The following IRX3 variants were observed in gnomAD, a reference collection of about 807,000 sequenced individuals.
IRX3 encodes iroquois-class homeodomain protein IRX-3.
A neutral mutation model predicts 36.4 loss-of-function variants in IRX3; 20 were observed. That is an observed-to-expected ratio of 0.55 (90% confidence interval 0.39 to 0.80). The LOEUF is 0.80. Among genes scored for constraint, IRX3 ranks in the 30% least tolerant of loss-of-function variants. The pLI is 0.00. For synonymous variants in IRX3, 404 were observed against 351.6 expected, an observed-to-expected ratio of 1.15 and a Z score of -1.67; for missense variants, 718 against 733.2, an observed-to-expected ratio of 0.98 and a Z score of 0.24.
At position 54,283,747 on chromosome 16, in the gene IRX3, G is replaced by A; in HGVS notation, c.1452-7C>T. On this transcript the variant is annotated splice_polypyrimidine_tract_variant and splice_region_variant and intron_variant, in intron 3 of 3. Coordinates refer to ENST00000329734, the MANE Select transcript of IRX3 (RefSeq NM_024336.3). The surrounding 1 kb of genome is among the most constrained non-coding windows in gnomAD (Gnocchi z 4.4). ...GTCCAGATGGTTCTGGGGCCTGGAA[G>A]AGAGAGACAGTAGTAGCAAAAGAGG... The A allele has an allele frequency of 6.2e-7, 1 of 1,607,158 alleles. No individual in the cohort carries two copies. The highest frequency in any genetic ancestry group is 8.5e-7 in the Non-Finnish European group (1 of 1,173,946).
chr16:54,284,706 G>A lies in IRX3; in HGVS notation c.1175C>T (p.Ala392Val). 9.8e-6 allele frequency: 14 copies of A among 1,425,992 alleles called. No homozygotes were observed. Among genetic ancestry groups the A allele is most frequent in the African/African-American group, 1.5e-5 (1 of 66,088 alleles). The allele number at this position is 1,425,992 out of a possible 1,614,324, so 88.3% of individuals were successfully genotyped here. A position where few individuals can be genotyped will look rare whatever the true frequency, so the allele number is the denominator to read the frequency against. The change falls in exon 2 of 4, where the codon GCC (alanine) becomes GTC (valine). Residue 392 changes from alanine (A) to valine (V), a missense_variant. By Grantham distance (64) the Ala-to-Val change is moderately conservative. This residue lies in a region of IRX3 where 468 missense variants were observed against 462.1 expected (regional missense o/e 1.01). Coordinates refer to ENST00000329734, the MANE Select transcript of IRX3 (RefSeq NM_024336.3). The surrounding 1 kb of genome is among the most constrained non-coding windows in gnomAD (Gnocchi z 4.0). ...CGCTGAGACCAGTCTGTGAGCGGCG[G>A]CGGCGGCGGCGGCCGGAGAGAGCTG... is the stretch of plus-strand genomic sequence containing the variant. ...ALQLSPAAAA[A>V]AAHRLVSAPL... is the part of the protein sequence containing the mutation.
rs1901246763 is a variant in IRX3, at chr16:54,284,067, G to A, written c.1451+179C>T. On this transcript the variant is annotated intron_variant, in intron 3 of 3. Coordinates refer to ENST00000329734, the MANE Select transcript of IRX3 (RefSeq NM_024336.3). This position sits in a 1 kb window ranked among gnomAD's most constrained non-coding sequence, Gnocchi z 4.0. ...CGCCTGGGGTGCCTGGGCTGGACCT[G>A]GAGAGCTGTCGCAGGGCCGACAGGG... The A allele has an allele frequency of 2.5e-6, 3 of 1,202,586 alleles. No individual in the cohort carries two copies. The highest frequency in any genetic ancestry group is 2.8e-5 in the Admixed American group (1 of 35,114). 74.5% of individuals were successfully genotyped at this position (1,202,586 alleles called of 1,614,324 possible).
In IRX3 at chr16:54,285,007, C is replaced by A. The variant is rs1305841212; in HGVS notation, c.874G>T (p.Asp292Tyr). 6.2e-7 allele frequency: 1 copy of A among 1,613,732 alleles called. No individual in the cohort carries two copies. ...LGPISDSKNSDSEDSSEGLED... is the reference protein window; with the variant it reads ...LGPISDSKNSYSEDSSEGLED... ...AAGCCCTCAGAGCTATCTTCCGAGT[C>A]GCTATTTTTGGAGTCCGAAATGGGT... The change falls in exon 2 of 4, where the codon GAC becomes TAC. Residue 292 changes from aspartate (D) to tyrosine (Y), a missense_variant. Transcript: ENST00000329734. This position sits in a 1 kb window ranked among gnomAD's most constrained non-coding sequence, Gnocchi z 5.7.
chr16:54,283,690 G>A lies in IRX3; in HGVS notation c.1502C>T (p.Ser501Phe), dbSNP rs1281456299. ...AALVLSALSS[S>F] ...TTTTTTGTTTTTTTTAAAGAACTAG[G>A]ATGAGGAGAGAGCCGATAAGACCAG... is the stretch of plus-strand genomic sequence containing the variant. The change falls in exon 4 of 4, where the codon TCC becomes TTC. Residue 501 changes from serine to phenylalanine, a missense_variant. Physicochemically the swap from Ser to Phe is radical, Grantham distance 155. Coordinates refer to ENST00000329734, the MANE Select transcript of IRX3 (RefSeq NM_024336.3). The surrounding 1 kb of genome is among the most constrained non-coding windows in gnomAD (Gnocchi z 4.4). The A allele has an allele frequency of 1.6e-6, 2 of 1,289,098 alleles. No homozygotes were observed. Among genetic ancestry groups the A allele is most frequent in the Non-Finnish European group, 2.3e-6 (2 of 883,902 alleles). The allele number at this position is 1,289,098 out of a possible 1,614,324, so 79.9% of individuals were successfully genotyped here.
rs141360733 is a variant in IRX3 at position 54,285,455 on chromosome 16, C to T, written c.426G>A (p.Leu142=). 30 of 1,614,044 alleles carry T rather than the reference C, an allele frequency of 1.9e-5. No individual in the cohort carries two copies. Among genetic ancestry groups the T allele is most frequent in the African/African-American group, 4.0e-5 (3 of 74,942 alleles). The change falls in exon 2 of 4, where the codon CTG becomes CTA. Residue 142 remains leucine, a synonymous_variant. Coordinates refer to ENST00000329734, the MANE Select transcript of IRX3 (RefSeq NM_024336.3). The surrounding 1 kb of genome is among the most constrained non-coding windows in gnomAD (Gnocchi z 5.7). The part of the protein sequence containing the change: ...KNATRESTST[L]KAWLNEHRKN... ...TGCGGTGCTCGTTGAGCCAGGCCTT[C>T]AGCGTGCTGGTGCTCTCCCTGGTGG... is the stretch of plus-strand genomic sequence containing the variant.
chr16:54,284,208 G>GC lies in IRX3; in HGVS notation c.1451+37dup. 6.3e-7 allele frequency: 1 copy of GC among 1,581,790 alleles called. No individual in the cohort carries two copies. The highest frequency in any genetic ancestry group is 8.7e-7 in the Non-Finnish European group (1 of 1,154,480). ...TCGGCGTCCTCTCCTTTCCCCGCCA[G>GC]CCAGTCCCCCTGGCCCCTCAACCTC... On this transcript the variant is annotated intron_variant, in intron 3 of 3. Coordinates refer to ENST00000329734, the MANE Select transcript of IRX3 (RefSeq NM_024336.3). This position sits in a 1 kb window ranked among gnomAD's most constrained non-coding sequence, Gnocchi z 4.0.
rs1483041038 is a variant in IRX3 at position 54,285,555 on chromosome 16, G to A, written c.326C>T (p.Ala109Val). ...GAAGGCGGGGTGCGGGTGCGGAAAC[G>A]CGGCAGCCGCGGCCGGATGCTGCAC... ...PGVQHPAAAAAFPHPHPAFYP... is the reference protein window; with the variant it reads ...PGVQHPAAAAVFPHPHPAFYP... The change falls in exon 2 of 4, where the codon GCG becomes GTG. Residue 109 changes from alanine to valine, a missense_variant. Around this residue, in one of 3 missense-constraint regions of IRX3, gnomAD observed 204 missense variants for 181.4 expected, o/e 1.12. Coordinates refer to ENST00000329734, the MANE Select transcript of IRX3 (RefSeq NM_024336.3). The surrounding 1 kb of genome is among the most constrained non-coding windows in gnomAD (Gnocchi z 5.7). 3.1e-6 allele frequency: 5 copies of A among 1,596,702 alleles called. No individual in the cohort carries two copies. In the African/African-American group the frequency reaches 5.4e-5, roughly 17 times the overall value.
In IRX3 at chr16:54,283,509, G is replaced by A; in HGVS notation, c.*177C>T. 1 of 519,878 alleles carries A rather than the reference G, an allele frequency of 1.9e-6. No individual in the cohort carries two copies. Among genetic ancestry groups the A allele is most frequent in the Non-Finnish European group, 3.5e-6 (1 of 285,300 alleles). The allele number at this position is 519,878 out of a possible 1,614,324, so 32.2% of individuals were successfully genotyped here. A position where few individuals can be genotyped will look rare whatever the true frequency, so the allele number is the denominator to read the frequency against. ...GCGGGGTGCCACAGAAGCGACTTGGGGAGGGCTGAGGAGGACTGGTTTTAT... is the reference window on the plus strand; with the variant it reads ...GCGGGGTGCCACAGAAGCGACTTGGAGAGGGCTGAGGAGGACTGGTTTTAT... On this transcript the variant is annotated 3_prime_UTR_variant, in exon 4 of 4. Coordinates refer to ENST00000329734, the MANE Select transcript of IRX3 (RefSeq NM_024336.3). The surrounding 1 kb of genome is among the most constrained non-coding windows in gnomAD (Gnocchi z 4.4).
rs1901286946 is a variant in IRX3, at chr16:54,285,049, C to T, written c.832G>A (p.Gly278Ser). Residue 278 changes from glycine (G) to serine (S), a missense_variant, in exon 2 of 4, where the codon GGC (glycine) becomes AGC (serine). Transcript: ENST00000329734. The surrounding 1 kb of genome is among the most constrained non-coding windows in gnomAD (Gnocchi z 5.7). ...GAAATGGGTCCCAGGCCTAGGTCGC[C>T]ATCCCTGCGCGCCGCCCCAGCCAGG... ...LSLAGAARRD[G>S]DLGLGPISDS... 1.9e-6 allele frequency: 3 copies of T among 1,613,846 alleles called. No homozygotes were observed. The highest frequency in any genetic ancestry group is 2.5e-6 in the Non-Finnish European group (3 of 1,180,014).
rs775343454 is a variant in IRX3, at chr16:54,284,322, G to A, written c.1385-10C>T. On this transcript the variant is annotated splice_polypyrimidine_tract_variant and intron_variant, in intron 2 of 3. Coordinates refer to ENST00000329734, the MANE Select transcript of IRX3 (RefSeq NM_024336.3). The surrounding 1 kb of genome is among the most constrained non-coding windows in gnomAD (Gnocchi z 4.0). ...AAGGCACTACAGCGATCTAAGGGAAGCGGGGGAAGAAAAAGGAGGGCCTTT... is the reference window on the plus strand; with the variant it reads ...AAGGCACTACAGCGATCTAAGGGAAACGGGGGAAGAAAAAGGAGGGCCTTT... 27 of 1,602,224 alleles carry A rather than the reference G, an allele frequency of 1.7e-5. No individual in the cohort carries two copies. Among genetic ancestry groups the A allele is most frequent in the Non-Finnish European group, 2.3e-5 (27 of 1,175,010 alleles).
chr16:54,284,349 G>A lies in IRX3; in HGVS notation c.1385-37C>T, dbSNP rs200899884. Reference sequence around the variant, plus strand: ...GGGGGAAGAAAAAGGAGGGCCTTTAGAGCGCTCGGTGCCGGCGCCCAGGGC... The same window carrying A: ...GGGGGAAGAAAAAGGAGGGCCTTTAAAGCGCTCGGTGCCGGCGCCCAGGGC... On this transcript the variant is annotated intron_variant, in intron 2 of 3. Transcript: ENST00000329734. The surrounding 1 kb of genome is among the most constrained non-coding windows in gnomAD (Gnocchi z 4.0). 1.5e-4 allele frequency: 236 copies of A among 1,587,922 alleles called. 1 individual carries two copies. Among genetic ancestry groups the A allele is most frequent in the Non-Finnish European group, 1.7e-4 (199 of 1,169,734 alleles).
chr16:54,286,274 G>T lies in IRX3; in HGVS notation c.-224C>A, dbSNP rs962899363. The T allele has an allele frequency of 2.0e-6, 2 of 1,002,268 alleles. No homozygotes were observed. Among genetic ancestry groups the T allele is most frequent in the Non-Finnish European group, 2.4e-6 (2 of 841,540 alleles). The allele number at this position is 1,002,268 out of a possible 1,614,324, so 62.1% of individuals were successfully genotyped here. ...CCAGGTCAGGTCCGAACAGATTGGC[G>T]GAGATTCCCGGGGCTCCGGGCTCTG... is the stretch of plus-strand genomic sequence containing the variant. On this transcript the variant is annotated 5_prime_UTR_variant, in exon 1 of 4. Coordinates refer to ENST00000329734, the MANE Select transcript of IRX3 (RefSeq NM_024336.3).
rs952394474 is a variant in IRX3 at position 54,284,587 on chromosome 16, G to C, written c.1294C>G (p.Pro432Ala). 1.4e-6 allele frequency: 2 copies of C among 1,396,928 alleles called. No homozygotes were observed. Among genetic ancestry groups the C allele is most frequent in the Non-Finnish European group, 9.2e-7 (1 of 1,088,656 alleles). The allele number at this position is 1,396,928 out of a possible 1,614,324, so 86.5% of individuals were successfully genotyped here. ...LHPLSLLGSA[P>A]PHLLGLPGAA... ...CCGGGAAGTCCCAGCAGGTGCGGAG[G>C]GGCAGAGCCCAGCAGGGAGAGCGGG... is the stretch of plus-strand genomic sequence containing the variant. Residue 432 changes from proline (P) to alanine (A), a missense_variant, in exon 2 of 4, where the codon CCT becomes GCT. Pro to Ala is a conservative substitution (Grantham distance 27, BLOSUM62 -1). This residue lies in a region of IRX3 where 468 missense variants were observed against 462.1 expected (regional missense o/e 1.01). Coordinates refer to ENST00000329734, the MANE Select transcript of IRX3 (RefSeq NM_024336.3). The surrounding 1 kb of genome is among the most constrained non-coding windows in gnomAD (Gnocchi z 4.0).
At position 54,284,375 on chromosome 16, in the gene IRX3, C is replaced by A. The variant is rs375648427; in HGVS notation, c.1385-63G>T. 1.3e-6 allele frequency: 2 copies of A among 1,547,688 alleles called. No homozygotes were observed. Among genetic ancestry groups the A allele is most frequent in the South Asian group, 2.4e-5 (2 of 81,776 alleles). On this transcript the variant is annotated intron_variant, in intron 2 of 3. Transcript: ENST00000329734. This position sits in a 1 kb window ranked among gnomAD's most constrained non-coding sequence, Gnocchi z 4.0. ...AGCGCTCGGTGCCGGCGCCCAGGGC[C>A]GCAGAAAGCAGGAGTGGAGAGGGAC... is the stretch of plus-strand genomic sequence containing the variant.
Position 54,285,244 on chromosome 16 carries a change from C to A in IRX3, c.637G>T (p.Glu213Ter). Residue 213 changes from glutamate (E) to a stop codon, truncating the protein, a stop_gained, in exon 2 of 4, where the codon GAA becomes TAA. Coordinates refer to ENST00000329734, the MANE Select transcript of IRX3 (RefSeq NM_024336.3). LOFTEE classifies it high-confidence loss of function. This position sits in a 1 kb window ranked among gnomAD's most constrained non-coding sequence, Gnocchi z 5.7. ...TCCTCCTCGTCCTCCTCTTCGTCTT[C>A]CTCCTCGCGCTCGCTCCCATAAGCG... ...GNAYGSEREEEDEEEDEEDGK... is the reference protein window; with the variant it reads ...GNAYGSEREE 2 of 1,613,386 alleles carry A rather than the reference C, an allele frequency of 1.2e-6. No homozygotes were observed. The highest frequency in any genetic ancestry group is 1.1e-5 in the South Asian group (1 of 91,030).
In IRX3 at chr16:54,283,522, G is replaced by A; in HGVS notation, c.*164C>T. 1 of 549,600 alleles carries A rather than the reference G, an allele frequency of 1.8e-6. No individual in the cohort carries two copies. Among genetic ancestry groups the A allele is most frequent in the Non-Finnish European group, 3.3e-6 (1 of 302,184 alleles). 34.0% of individuals were successfully genotyped at this position (549,600 alleles called of 1,614,324 possible). On this transcript the variant is annotated 3_prime_UTR_variant, in exon 4 of 4. Transcript: ENST00000329734. The surrounding 1 kb of genome is among the most constrained non-coding windows in gnomAD (Gnocchi z 4.4). ...GAAGCGACTTGGGGAGGGCTGAGGA[G>A]GACTGGTTTTATTTCTTTTTCTTAC...
At position 54,284,256 on chromosome 16, in the gene IRX3, C is replaced by G; in HGVS notation, c.1441G>C (p.Val481Leu). The change falls in exon 3 of 4, where the codon GTG (valine) becomes CTG (leucine). Residue 481 changes from valine (V) to leucine (L), a missense_variant. By Grantham distance (32) the Val-to-Leu change is conservative. Transcript: ENST00000329734. The surrounding 1 kb of genome is among the most constrained non-coding windows in gnomAD (Gnocchi z 4.0). ...KKLLKTAFQP[V>L]PRRPQNHLDA... ...CTCGGGGTTTCTTACCGCCTGGGCA[C>G]GGGCTGGAAAGCTGTCTTGAGTAAC... 6.2e-7 allele frequency: 1 copy of G among 1,612,060 alleles called. No homozygotes were observed. Among genetic ancestry groups the G allele is most frequent in the Non-Finnish European group, 8.5e-7 (1 of 1,179,004 alleles).
At position 54,284,153 on chromosome 16, in the gene IRX3, T is replaced by C. The variant is rs1901249946; in HGVS notation, c.1451+93A>G. 7.6e-7 allele frequency: 1 copy of C among 1,322,474 alleles called. No homozygotes were observed. The highest frequency in any genetic ancestry group is 1.5e-5 in the African/African-American group (1 of 67,250). The allele number at this position is 1,322,474 out of a possible 1,614,324, so 81.9% of individuals were successfully genotyped here. A position where few individuals can be genotyped will look rare whatever the true frequency, so the allele number is the denominator to read the frequency against. ...AATGCGTCCCAGCAGGGTTCCCCCC[T>C]ACCCCGGGGCAAAAGGCCGTGCGTG... On this transcript the variant is annotated intron_variant, in intron 3 of 3. Coordinates refer to ENST00000329734, the MANE Select transcript of IRX3 (RefSeq NM_024336.3). The surrounding 1 kb of genome is among the most constrained non-coding windows in gnomAD (Gnocchi z 4.0).
At position 54,284,960 on chromosome 16, in the gene IRX3, G is replaced by A; in HGVS notation, c.921C>T (p.Val307=). The change falls in exon 2 of 4, where the codon GTC becomes GTT. Residue 307 remains valine, a synonymous_variant. Coordinates refer to ENST00000329734, the MANE Select transcript of IRX3 (RefSeq NM_024336.3). This position sits in a 1 kb window ranked among gnomAD's most constrained non-coding sequence, Gnocchi z 4.0. ...GTGGTGGCGCTGGAGCCAGACTCAG[G>A]ACCGGTAGTGGCCGGTCCTCTAAGC... ...SEGLEDRPLP[V]LSLAPAPPPV... 2 of 1,611,300 alleles carry A rather than the reference G, an allele frequency of 1.2e-6. No homozygotes were observed. Among genetic ancestry groups the A allele is most frequent in the South Asian group, 1.1e-5 (1 of 90,702 alleles).
Sources: allele counts gnomAD v4.1 joint callset, GRCh38; gene constraint gnomAD v4.1.1; regional missense constraint gnomAD v4.1.1; non-coding constraint Gnocchi (gnomAD v3.1); transcripts MANE v1.5; gene names NCBI Gene and HGNC (gene_info 2026-07-23, HGNC 2026-07-21).